The following LY75 variants were observed in gnomAD, a reference collection of about 807,000 sequenced individuals.
The protein encoded by LY75 is C-type lectin domain family 13 member B.
Under a neutral mutation model 231.7 loss-of-function variants are expected in LY75, and 185 were observed. The ratio of observed to expected loss-of-function variants is 0.80; its 90% confidence interval spans 0.71 to 0.90. LY75 has a LOEUF of 0.90. Ranked by LOEUF, LY75 falls within the 40% of genes least tolerant of loss-of-function variation. The pLI is 0.00. For missense variants in LY75, 1,947 were observed against 2,050.2 expected, an observed-to-expected ratio of 0.95 and a Z score of 0.97; for synonymous variants, 668 against 689.0, an observed-to-expected ratio of 0.97 and a Z score of 0.48.
At chr2:159,844,805 TTA>T (rs1464566416) in intron 23 of LY75, among the ~76,000 whole-genome samples, 52 of 107,608 alleles carry the variant, frequency 4.8e-4, no homozygotes, top group African/African-American at 1.4e-3. Flanking sequence ...TTTTTTTTTT[TTA>T]AATTTCAGCT....
Position 159,808,446 on chromosome 2 carries a change from T to C in LY75, c.4822+3A>G. 4 of 1,613,758 alleles carry C rather than the reference T, an allele frequency of 2.5e-6. No homozygotes were observed. The highest frequency in any genetic ancestry group is 3.4e-6 in the Non-Finnish European group (4 of 1,179,846). On this transcript the variant is annotated splice_donor_region_variant and intron_variant, in intron 33 of 34. Coordinates refer to ENST00000263636, the MANE Select transcript of LY75 (RefSeq NM_002349.4). ...ACACTACACATACAATTATTTCACT[T>C]ACCAACAGAATGTTGAGATAATCCA... is the stretch of plus-strand genomic sequence containing the variant.
At chr2:159,820,150 C>A (rs1683245251) in intron 28 of LY75, among the ~76,000 whole-genome samples, 1 of 152,180 alleles carries the variant, frequency 6.6e-6, no homozygotes, top group Non-Finnish European at 1.5e-5. Context: ...ATTCCACCAT[C>A]CTTCAGTAAT....
chr2:159,812,382 T>A (rs1357579419), intron 31 of LY75: 1 of 151,634 alleles, frequency 6.6e-6, no homozygotes, highest in Non-Finnish European at 1.5e-5. Context: ...AAAATACACA[T>A]AACATAAAAT....
intron 26 of LY75, 89 bp from the exon 27 acceptor site, chr2:159,834,300 A>C: frequency 6.5e-7 from 1 of 1,535,300 alleles, no homozygotes; most frequent in Non-Finnish European, 8.8e-7. Flanking sequence ...TGTAGGAAAT[A>C]TTCAGGAAGC....
chr2:159,835,736 AT>A (rs1553802650), intron 25 of LY75, 91 bp from the exon 26 acceptor site: 7 of 1,482,566 alleles, frequency 4.7e-6, no homozygotes, highest in Non-Finnish European at 4.5e-6. Context: ...ATGATTTTTA[AT>A]TTTTTTAATA....
chr2:159,850,358 G>A lies in LY75; in HGVS notation c.2989+4C>T, dbSNP rs1327215656. The A allele has an allele frequency of 6.2e-7, 1 of 1,613,402 alleles. No individual in the cohort carries two copies. Among genetic ancestry groups the A allele is most frequent in the East Asian group, 2.2e-5 (1 of 44,864 alleles). On this transcript the variant is annotated splice_donor_region_variant and intron_variant, in intron 22 of 34. Coordinates refer to ENST00000263636, the MANE Select transcript of LY75 (RefSeq NM_002349.4). ...AAAACATGTTTCCCAAATAATTCCA[G>A]TACCTTGTTCAATCTGGCTCAACAC...
chr2:159,838,562 A>G (rs1396032249), intron 25 of LY75, among the ~76,000 whole-genome samples: 2 of 152,180 alleles, frequency 1.3e-5, no homozygotes, highest in African/African-American at 4.8e-5. Flanking sequence ...TTACTGACAA[A>G]TTTTCTACAT....
At chr2:159,878,963 G>C (rs968938331) in intron 9 of LY75, among the ~76,000 whole-genome samples, 2 of 152,196 alleles carry the variant, frequency 1.3e-5, no homozygotes, top group African/African-American at 4.8e-5. Context: ...CTCATCATAA[G>C]AGTATAATAT....
intron 1 of LY75, chr2:159,903,605 G>A (rs1686143866): frequency 6.6e-6 from 1 of 152,194 alleles, no homozygotes. Flanking sequence ...ACTTAGCTTA[G>A]CTGCAAAGAA....
At chr2:159,840,131 T>C (rs1033628794) in intron 25 of LY75, among the ~76,000 whole-genome samples, 2 of 152,070 alleles carry the variant, frequency 1.3e-5, no homozygotes, top group South Asian at 2.1e-4. Flanking sequence ...TGAAGAGATA[T>C]GGCAGCTCCA....
intron 30 of LY75, among the ~76,000 whole-genome samples, chr2:159,816,384 A>T (rs1683119790): frequency 6.6e-6 from 1 of 152,208 alleles, no homozygotes; most frequent in African/African-American, 2.4e-5. Flanking sequence ...TTGTGTTAAA[A>T]TCTCAGTGAA....
chr2:159,861,629 T>G (rs1684702078), intron 14 of LY75, among the ~76,000 whole-genome samples: 1 of 151,322 alleles, frequency 6.6e-6, no homozygotes, highest in Admixed American at 6.6e-5. Context: ...GTGCCTGTAC[T>G]TGAGAGGCTG....
At chr2:159,836,112 T>G (rs1433897349) in intron 25 of LY75, among the ~76,000 whole-genome samples, 2 of 152,214 alleles carry the variant, frequency 1.3e-5, no homozygotes, top group Non-Finnish European at 2.9e-5. Flanking sequence ...GAATATGGGC[T>G]ACGGAGCTAA....
chr2:159,895,956 T>C (rs375983138), intron 2 of LY75, among the ~76,000 whole-genome samples: 1 of 152,220 alleles, frequency 6.6e-6, no homozygotes, highest in Non-Finnish European at 1.5e-5. Context: ...AAGAATCTTC[T>C]CTGAATGTGC....
chr2:159,868,902 G>A (rs1461361524), intron 13 of LY75, among the ~76,000 whole-genome samples: 1 of 152,112 alleles, frequency 6.6e-6, no homozygotes, highest in Non-Finnish European at 1.5e-5. Context: ...TTACATGTCA[G>A]GAAGTATTGG....
chr2:159,810,533 T>C lies in LY75; in HGVS notation c.4692A>G (p.Ser1564=). The C allele has an allele frequency of 6.2e-7, 1 of 1,612,216 alleles. No homozygotes were observed. The highest frequency in any genetic ancestry group is 8.5e-7 in the Non-Finnish European group (1 of 1,179,494). The change falls in exon 32 of 35, where the codon TCA becomes TCG. Residue 1564 remains serine, a synonymous_variant. Coordinates refer to ENST00000263636, the MANE Select transcript of LY75 (RefSeq NM_002349.4). ...HSFSEAKKLC[S]KHDHSATIVS... ...CAACAAATTTTAACTCACCATGTTT[T>C]GAACACAATTTTTTGGCCTCTGAAA...
chr2:159,820,005 T>A, intron 28 of LY75, 85 bp from the exon 29 acceptor site: 1 of 1,338,682 alleles, frequency 7.5e-7, no homozygotes, highest in Non-Finnish European at 9.9e-7. Flanking sequence ...CAAACTTGAC[T>A]AATTTTCTCT....
At position 159,804,497 on chromosome 2, in the gene LY75, CAGAG is replaced by C. The variant is rs1277450103; in HGVS notation, c.*543_*546del. 6.5e-6 allele frequency: 1 copy of C among 152,692 alleles called. No individual in the cohort carries two copies. The highest frequency in any genetic ancestry group is 1.5e-5 in the Non-Finnish European group (1 of 68,146). 9.5% of individuals were successfully genotyped at this position (152,692 alleles called of 1,614,324 possible). A position where few individuals can be genotyped will look rare whatever the true frequency, so the allele number is the denominator to read the frequency against. On this transcript the variant is annotated 3_prime_UTR_variant, in exon 35 of 35. Coordinates refer to ENST00000263636, the MANE Select transcript of LY75 (RefSeq NM_002349.4). ...CGCCATTGTACTCCAGCCTGGGCAA[CAGAG>C]AGAGACTCAGTCTCAAAAAAATAAA...
chr2:159,837,818 A>G (rs1458489129), intron 25 of LY75, among the ~76,000 whole-genome samples: 4 of 152,116 alleles, frequency 2.6e-5, no homozygotes, highest in African/African-American at 9.7e-5. Context: ...CAAACTCCCC[A>G]TGACATTCAC....
Sources: allele counts gnomAD v4.1 joint callset (sites outside exome capture counted in the v4.1 genomes callset), GRCh38; gene constraint gnomAD v4.1.1; transcripts MANE v1.5; gene names NCBI Gene and HGNC (gene_info 2026-07-23, HGNC 2026-07-21).